CLOCK: variants seen among roughly 807,000 people sequenced by gnomAD.
CLOCK encodes the protein clock circadian regulator, also known as circadian locomoter output cycles protein kaput.
In CLOCK, 43 loss-of-function variants were observed where a neutral mutation model predicts 118.4. That is an observed-to-expected ratio of 0.36 (90% CI 0.28 to 0.47). CLOCK has a LOEUF of 0.47. Ranked by LOEUF, CLOCK falls within the 20% of genes least tolerant of loss-of-function variation. The probability of loss-of-function intolerance (pLI) is 1.00; values close to 1 mark genes in which losing one functional copy is unlikely to be tolerated. For synonymous variants in CLOCK, 326 were observed against 339.2 expected, an observed-to-expected ratio of 0.96 and a Z score of 0.43; for missense variants, 846 against 999.9, an observed-to-expected ratio of 0.85 and a Z score of 2.08.
At chr4:55,545,162 C>G (rs1159664394) in intron 1 of CLOCK, among the ~76,000 whole-genome samples, 1 of 151,766 alleles carries the variant, frequency 6.6e-6, no homozygotes, top group East Asian at 1.9e-4. Flanking sequence ...TGTGCTGCAC[C>G]CATTAACTCG....
intron 1 of CLOCK, among the ~76,000 whole-genome samples, chr4:55,536,592 C>G (rs1404518411): frequency 6.6e-6 from 1 of 152,182 alleles, no homozygotes. Context: ...TAGAAACTTA[C>G]TAAGCCTCAC....
At chr4:55,467,308 A>C (rs960152) in intron 8 of CLOCK, among the ~76,000 whole-genome samples, 51,351 of 152,040 alleles carry the variant, frequency 0.34, 9,365 homozygotes, top group East Asian at 0.58. Flanking sequence ...TTCAACAAAT[A>C]ATCACTGAGT....
intron 1 of CLOCK, among the ~76,000 whole-genome samples, chr4:55,531,703 CAAAAAAA>C (rs373796432): frequency 3.9e-4 from 16 of 41,278 alleles, no homozygotes; most frequent in African/African-American, 1.2e-3. Flanking sequence ...GACTTCGTCT[CAAAAAAA>C]AAAAAAAAAA....
At chr4:55,453,596 C>A in intron 14 of CLOCK, 81 bp downstream of exon 14, 1 of 1,221,734 alleles carries the variant, frequency 8.2e-7, no homozygotes, top group Non-Finnish European at 1.2e-6. Context: ...AGCTCTTTAA[C>A]AACTTACGCA....
chr4:55,540,604 C>T (rs2110116168), intron 1 of CLOCK: 1 of 152,238 alleles, frequency 6.6e-6, no homozygotes, highest in South Asian at 2.1e-4. Context: ...TGAGAGCTTG[C>T]TCGAAGGTTC....
intron 2 of CLOCK, among the ~76,000 whole-genome samples, chr4:55,504,283 C>CAAAAAAAAAAAAA: frequency 1.9e-5 from 1 of 51,956 alleles, no homozygotes; most frequent in Non-Finnish European, 3.5e-5. Context: ...GAGACTCCAT[C>CAAAAAAAAAAAAA]AAAAAAAAAA....
chr4:55,499,602 T>C (rs920174877), intron 2 of CLOCK, among the ~76,000 whole-genome samples: 4 of 152,248 alleles, frequency 2.6e-5, no homozygotes, highest in African/African-American at 9.6e-5. Context: ...CAGGCGCTAA[T>C]GCTCACTAGC....
chr4:55,436,030 G>A (rs1452854867), intron 22 of CLOCK, among the ~76,000 whole-genome samples: 2 of 152,164 alleles, frequency 1.3e-5, no homozygotes, highest in African/African-American at 2.4e-5. Flanking sequence ...GTGGCCAGGA[G>A]CGTGGTGGGC....
At chr4:55,504,153 G>A (rs1308423296) in intron 2 of CLOCK, among the ~76,000 whole-genome samples, 2 of 151,108 alleles carry the variant, frequency 1.3e-5, no homozygotes, top group South Asian at 4.2e-4. Context: ...GGGTGTGGTG[G>A]CAGGCGCCTA....
chr4:55,545,983 A>G (rs2110138194), intron 1 of CLOCK: 1 of 152,272 alleles, frequency 6.6e-6, no homozygotes, highest in East Asian at 1.9e-4. Context: ...CACCACCACT[A>G]ACGGAACCAG....
chr4:55,480,673 G>A lies in CLOCK; in HGVS notation c.48-974C>T, dbSNP rs538516925. On this transcript the variant is annotated intron_variant, in intron 4 of 22. Coordinates refer to ENST00000513440, the MANE Select transcript of CLOCK (RefSeq NM_004898.4). ...TGGGAGGCCGAGGCGGGCGGATCAC[G>A]AGGTCCAGGAGATCGAGACCATCCT... is the stretch of plus-strand genomic sequence containing the variant. Among the ~76,000 whole-genome samples the A allele has an allele frequency of 1.4e-4, 21 of 152,192 alleles. No homozygotes were observed. In the South Asian group the frequency reaches 3.7e-3, roughly 27 times the overall value.
intron 22 of CLOCK, among the ~76,000 whole-genome samples, chr4:55,436,503 A>C (rs1722887042): frequency 6.6e-6 from 1 of 152,216 alleles, no homozygotes. Context: ...TTTACAATGA[A>C]AGTCCTTTCC....
chr4:55,515,635 T>G (rs112195566), intron 1 of CLOCK, among the ~76,000 whole-genome samples: 2,568 of 152,168 alleles, frequency 0.017, 71 homozygotes, highest in African/African-American at 0.058. Flanking sequence ...CACCCACCTC[T>G]GCCTCCCAAA....
At chr4:55,541,947 C>G (rs551882625) in intron 1 of CLOCK, among the ~76,000 whole-genome samples, 15 of 124,492 alleles carry the variant, frequency 1.2e-4, no homozygotes, top group East Asian at 2.9e-4. Context: ...CCTCTCCCCC[C>G]ACCAAAAAAA....
intron 1 of CLOCK, among the ~76,000 whole-genome samples, chr4:55,533,125 T>G (rs539562335): frequency 7.9e-5 from 12 of 152,052 alleles, no homozygotes; most frequent in African/African-American, 2.7e-4. Flanking sequence ...AACAAAACCA[T>G]CCTAAAATTC....
intron 21 of CLOCK, among the ~76,000 whole-genome samples, chr4:55,440,260 A>G (rs1490922739): frequency 6.6e-6 from 1 of 152,208 alleles, no homozygotes; most frequent in Non-Finnish European, 1.5e-5. Flanking sequence ...ACTCCTCTCA[A>G]TTTATAAATT....
At chr4:55,525,043 T>C (rs368596431) in intron 1 of CLOCK, among the ~76,000 whole-genome samples, 2 of 152,198 alleles carry the variant, frequency 1.3e-5, no homozygotes, top group Admixed American at 6.5e-5. Flanking sequence ...ACAGAAATAA[T>C]TGATGAGTAA....
At chr4:55,522,495 GTT>G (rs539425711) in intron 1 of CLOCK, among the ~76,000 whole-genome samples, 24 of 147,234 alleles carry the variant, frequency 1.6e-4, no homozygotes, top group African/African-American at 6.2e-4. Flanking sequence ...GTAATAAACT[GTT>G]TTTTTTTAAA....
intron 18 of CLOCK, among the ~76,000 whole-genome samples, chr4:55,446,101 CTTTTTTTTTTT>C (rs766235766): frequency 1.9e-5 from 2 of 107,372 alleles, no homozygotes; most frequent in Admixed American, 1.0e-4. Context: ...AATTTAACTT[CTTTTTTTTTTT>C]TTTTTTTTTG....
Sources: gnomAD v4.1 joint callset for allele counts (sites outside exome capture counted in the v4.1 genomes callset) on GRCh38, gnomAD v4.1.1 for gene constraint, MANE v1.5 for transcripts, NCBI Gene and HGNC (gene_info 2026-07-23, HGNC 2026-07-21) for gene names.